CYC1: variants seen among roughly 807,000 people sequenced by gnomAD.
CYC1 encodes the protein cytochrome c1.
Under a neutral mutation model 33.8 loss-of-function variants are expected in CYC1, and 10 were observed. The ratio of observed to expected loss-of-function variants is 0.30; its 90% CI spans 0.18 to 0.50. The LOEUF is 0.50. CYC1 is among the 20% of genes least tolerant of loss of function. The pLI is 0.98. For synonymous variants in CYC1, 224 were observed against 181.9 expected (o/e 1.23, Z -1.86); for missense variants, 459 against 437.6 (o/e 1.05, Z -0.44).
Position 144,096,435 on chromosome 8 carries a change from T to C in CYC1, c.552T>C (p.Ala184=). 6.2e-7 allele frequency: 1 copy of C among 1,614,052 alleles called. No individual in the cohort carries two copies. The highest frequency in any genetic ancestry group is 1.1e-5 in the South Asian group (1 of 91,082). The change falls in exon 4 of 7, where the codon GCT becomes GCC. Residue 184 remains alanine, a synonymous_variant. Coordinates refer to ENST00000318911, the MANE Select transcript of CYC1 (RefSeq NM_001916.5). ...YFPKPYPNSE[A]ARAANNGALP... is the part of the protein sequence containing the mutation. ...CAAAACCATACCCCAACAGTGAGGC[T>C]GCTCGAGCTGCCAACAACGGAGCAT... is the stretch of plus-strand genomic sequence containing the variant.
chr8:144,095,403 C>T (rs1368966634), intron 1 of CYC1, 175 bp downstream of exon 1: 2 of 506,914 alleles, frequency 3.9e-6, no homozygotes, highest in South Asian at 6.9e-5. Context: ...GGGCGCCCAC[C>T]TCTCCGAACG....
chr8:144,095,583 T>C lies in CYC1; in HGVS notation c.130-250T>C, dbSNP rs1836132859. 8.8e-5 allele frequency: 48 copies of C among 547,946 alleles called. No individual in the cohort carries two copies. In the South Asian group the frequency reaches 1.2e-3, roughly 14 times the overall value. 33.9% of individuals were successfully genotyped at this position (547,946 alleles called of 1,614,324 possible). ...GATCTCGGCCAGCTGCTTGTGACCTTGGCCTGTCCCAGCACCCTTGGTCAC... is the reference window on the plus strand; with the variant it reads ...GATCTCGGCCAGCTGCTTGTGACCTCGGCCTGTCCCAGCACCCTTGGTCAC... On this transcript the variant is annotated intron_variant, in intron 1 of 6. Coordinates refer to ENST00000318911, the MANE Select transcript of CYC1 (RefSeq NM_001916.5).
rs1359123908 is a variant in CYC1 at position 144,095,107 on chromosome 8, C to T, written c.8C>T (p.Ala3Val). 3.3e-6 allele frequency: 4 copies of T among 1,209,752 alleles called. No individual in the cohort carries two copies. The highest frequency in any genetic ancestry group is 3.4e-5 in the East Asian group (1 of 29,388). The allele number at this position is 1,209,752 out of a possible 1,614,324, so 74.9% of individuals were successfully genotyped here. MAAAAASLRGVVL... is the reference protein window; with the variant it reads MAVAAASLRGVVL... ...CGCGCGGAGGAGGCCAAGATGGCGG[C>T]AGCTGCGGCTTCGCTTCGCGGGGTA... Residue 3 changes from alanine to valine, a missense_variant, in exon 1 of 7, where the codon GCA (alanine) becomes GTA (valine). Physicochemically the swap from Ala to Val is moderately conservative, Grantham distance 64. Transcript: ENST00000318911.
rs750324990 is a variant in CYC1 at position 144,096,337 on chromosome 8, G to A, written c.454G>A (p.Val152Met). The part of the protein sequence containing the change: ...EDEAKELAAE[V>M]EVQDGPNEDG... ...GTTGTGATGAGGCTCTCGGTGGCAGGTGGAGGTTCAAGACGGCCCCAATGA... is the reference window on the plus strand; with the variant it reads ...GTTGTGATGAGGCTCTCGGTGGCAGATGGAGGTTCAAGACGGCCCCAATGA... Residue 152 changes from valine to methionine, a missense_variant and splice_region_variant, in exon 4 of 7, where the codon GTG (valine) becomes ATG (methionine). By Grantham distance (21) the Val-to-Met change is conservative (BLOSUM62 1). Coordinates refer to ENST00000318911, the MANE Select transcript of CYC1 (RefSeq NM_001916.5). The A allele has an allele frequency of 2.5e-6, 4 of 1,613,394 alleles. No homozygotes were observed. Among genetic ancestry groups the A allele is most frequent in the South Asian group, 2.2e-5 (2 of 91,026 alleles).
Position 144,097,490 on chromosome 8 carries a change from C to G in CYC1, c.*154C>G. On this transcript the variant is annotated 3_prime_UTR_variant, in exon 7 of 7. Coordinates refer to ENST00000318911, the MANE Select transcript of CYC1 (RefSeq NM_001916.5). ...GCTCTAGCTCTGGGCCCTCCTTCAG[C>G]CCCCATCATGGGAATAAATTAATTT... 1 of 614,042 alleles carries G rather than the reference C, an allele frequency of 1.6e-6. No homozygotes were observed. Among genetic ancestry groups the G allele is most frequent in the Non-Finnish European group, 2.9e-6 (1 of 346,222 alleles). 38.0% of individuals were successfully genotyped at this position (614,042 alleles called of 1,614,324 possible).
At chr8:144,097,167 G>C (rs1836180465) in intron 6 of CYC1, 33 bp downstream of exon 6, 1 of 1,611,688 alleles carries the variant, frequency 6.2e-7, no homozygotes, top group South Asian at 1.1e-5. Context: ...GTGGGTATCA[G>C]AGAAGGGCTG....
chr8:144,097,085 G>A lies in CYC1; in HGVS notation c.824G>A (p.Arg275His), dbSNP rs780653499. ...QIAKDVCTFL[R>H]WASEPEHDHR... The stretch of plus-strand genomic sequence containing the variant: ...GCCAAGGATGTGTGCACCTTCCTGC[G>A]CTGGGCATCTGAGCCAGAGCACGAC... Residue 275 changes from arginine (R) to histidine (H), a missense_variant, in exon 6 of 7, where the codon CGC becomes CAC. By Grantham distance (29) the Arg-to-His change is conservative (BLOSUM62 0). Transcript: ENST00000318911. 5.0e-6 allele frequency: 8 copies of A among 1,611,626 alleles called. No homozygotes were observed. Among genetic ancestry groups the A allele is most frequent in the South Asian group, 4.4e-5 (4 of 90,538 alleles).
At chr8:144,096,078 G>A (rs1440818180) in intron 2 of CYC1, 46 bp from the exon 3 acceptor site, 9 of 1,604,534 alleles carry the variant, frequency 5.6e-6, no homozygotes, top group Non-Finnish European at 7.6e-6. Context: ...GGGTGGAGCT[G>A]GTAAGGTGGA....
Position 144,096,757 on chromosome 8 carries a change from C to T in CYC1, c.772+13C>T, listed in dbSNP as rs1282547176. On this transcript the variant is annotated intron_variant, in intron 5 of 6. Coordinates refer to ENST00000318911, the MANE Select transcript of CYC1 (RefSeq NM_001916.5). ...GAGTTTGACGATGGTAAGAGGCCTC[C>T]AGTCTGGCAGTGGGCATGTGGAATA... 2.1e-6 allele frequency: 2 copies of T among 940,710 alleles called. No individual in the cohort carries two copies. Among genetic ancestry groups the T allele is most frequent in the Non-Finnish European group, 3.1e-6 (2 of 651,538 alleles). 58.3% of individuals were successfully genotyped at this position (940,710 alleles called of 1,614,324 possible).
chr8:144,096,221 G>A lies in CYC1; in HGVS notation c.424G>A (p.Glu142Lys), dbSNP rs767309788. Residue 142 changes from glutamate to lysine, a missense_variant, in exon 3 of 7, where the codon GAG becomes AAG. Glu to Lys is a moderately conservative substitution (Grantham distance 56). Transcript: ENST00000318911. Reference sequence around the variant, plus strand: ...CCACCTGGTGGGCGTGTGCTACACGGAGGATGAAGCTAAGGAGCTGGCTGC... The same window carrying A: ...CCACCTGGTGGGCGTGTGCTACACGAAGGATGAAGCTAAGGAGCTGGCTGC... ...YRHLVGVCYT[E>K]DEAKELAAEV... 5.6e-6 allele frequency: 9 copies of A among 1,614,116 alleles called. No individual in the cohort carries two copies. The highest frequency in any genetic ancestry group is 2.2e-5 in the East Asian group (1 of 44,888).
Position 144,096,249 on chromosome 8 carries a change from A to T in CYC1, c.452A>T (p.Glu151Val). The T allele has an allele frequency of 6.2e-7, 1 of 1,612,978 alleles. No homozygotes were observed. The highest frequency in any genetic ancestry group is 8.5e-7 in the Non-Finnish European group (1 of 1,179,738). The change falls in exon 3 of 7, where the codon GAG becomes GTG. Residue 151 changes from glutamate (E) to valine (V), a missense_variant and splice_region_variant. Glu to Val is a moderately radical substitution (Grantham distance 121). Coordinates refer to ENST00000318911, the MANE Select transcript of CYC1 (RefSeq NM_001916.5). ...GATGAAGCTAAGGAGCTGGCTGCGG[A>T]GGTGTGGGGTCTGGGGATGCCTGGG... Reference protein sequence around the residue: ...TEDEAKELAAEVEVQDGPNED... With the variant: ...TEDEAKELAAVVEVQDGPNED...
chr8:144,095,249 C>G lies in CYC1; in HGVS notation c.129+21C>G, dbSNP rs1020295922. The G allele has an allele frequency of 1.2e-4, 140 of 1,196,238 alleles. 1 individual carries two copies. The African/African-American group carries it at 2.0e-3, about 17-fold the overall frequency. 74.1% of individuals were successfully genotyped at this position (1,196,238 alleles called of 1,614,324 possible). A position where few individuals can be genotyped will look rare whatever the true frequency, so the allele number is the denominator to read the frequency against. On this transcript the variant is annotated intron_variant, in intron 1 of 6. Transcript: ENST00000318911. ...CTCAGGTGAGCGCTGGGCCGGGCCC[C>G]GGCCTCCGCGCGGCCCCGCATCTCC...
intron 5 of CYC1, 91 bp downstream of exon 5, chr8:144,096,835 CCTG>C: frequency 6.8e-7 from 1 of 1,463,138 alleles, no homozygotes; most frequent in Non-Finnish European, 9.4e-7. Flanking sequence ...TCCAGGAGGT[CCTG>C]CCCACTTCTT....
intron 1 of CYC1, chr8:144,095,468 G>A (rs1208187175): frequency 2.4e-6 from 1 of 423,960 alleles, no homozygotes; most frequent in East Asian, 4.1e-5. Flanking sequence ...CTGCCGTGGC[G>A]GGGCTGGGGC....
intron 5 of CYC1, 137 bp from the exon 6 acceptor site, chr8:144,096,897 A>G: frequency 8.5e-7 from 1 of 1,169,630 alleles, no homozygotes; most frequent in Non-Finnish European, 1.2e-6. Flanking sequence ...GGGCTCCTTC[A>G]GTTTTGCGTA....
chr8:144,097,424 T>G lies in CYC1; in HGVS notation c.*88T>G. On this transcript the variant is annotated 3_prime_UTR_variant, in exon 7 of 7. Coordinates refer to ENST00000318911, the MANE Select transcript of CYC1 (RefSeq NM_001916.5). ...GGCCTGTTCAGGCCTCAGCTAAGCC[T>G]CTCTTCATCTGGAAGAAGAGGCAAG... 9.1e-7 allele frequency: 1 copy of G among 1,093,252 alleles called. No homozygotes were observed. Among genetic ancestry groups the G allele is most frequent in the South Asian group, 1.4e-5 (1 of 72,604 alleles). The allele number at this position is 1,093,252 out of a possible 1,614,324, so 67.7% of individuals were successfully genotyped here.
rs1176203856 is a variant in CYC1, at chr8:144,095,982, C to A, written c.279C>A (p.Ser93Arg). ...SASDLELHPP[S>R]YPWSHRGLLS... ...GTGACCTGGAGCTGCACCCCCCCAG[C>A]TATCCGTGGTCTCACCGTGGCCTCC... The change falls in exon 2 of 7, where the codon AGC becomes AGA. Residue 93 changes from serine (S) to arginine (R), a missense_variant. Transcript: ENST00000318911. 1 of 1,607,016 alleles carries A rather than the reference C, an allele frequency of 6.2e-7. No homozygotes were observed. Among genetic ancestry groups the A allele is most frequent in the South Asian group, 1.1e-5 (1 of 91,008 alleles).
At chr8:144,096,872 T>C (rs1166467194) in intron 5 of CYC1, 128 bp downstream of exon 5, 6 of 1,257,892 alleles carry the variant, frequency 4.8e-6, no homozygotes, top group Non-Finnish European at 6.8e-6. Flanking sequence ...TCTGTGCATG[T>C]CTCAGGAGGC....
rs756633961 is a variant in CYC1 at position 144,096,590 on chromosome 8, T to C, written c.618T>C (p.Gly206=). 42 of 1,613,898 alleles carry C rather than the reference T, an allele frequency of 2.6e-5. No homozygotes were observed. Among genetic ancestry groups the C allele is most frequent in the Non-Finnish European group, 3.4e-5 (40 of 1,180,000 alleles). Residue 206 remains glycine (G), a synonymous_variant, in exon 5 of 7, where the codon GGT becomes GGC. Coordinates refer to ENST00000318911, the MANE Select transcript of CYC1 (RefSeq NM_001916.5). ...GCCATGGATCTGGTCCTAGGCATGGTGGTGAGGACTACGTCTTCTCCCTGC... is the reference window on the plus strand; with the variant it reads ...GCCATGGATCTGGTCCTAGGCATGGCGGTGAGGACTACGTCTTCTCCCTGC... The part of the protein sequence containing the change: ...DLSYIVRARH[G]GEDYVFSLLT...
Sources: gnomAD v4.1 joint callset for allele counts on GRCh38, gnomAD v4.1.1 for gene constraint, MANE v1.5 for transcripts, NCBI Gene and HGNC (gene_info 2026-07-23, HGNC 2026-07-21) for gene names.